Variants in IL1R1 observed in about 807,000 individuals in gnomAD.
IL1R1 encodes interleukin-1 receptor type 1.
A neutral mutation model predicts 50.2 loss-of-function variants in IL1R1; 22 were observed. The ratio of observed to expected loss-of-function variants is 0.44; its 90% CI spans 0.31 to 0.63. The LOEUF is 0.63. IL1R1 is among the 20% of genes least tolerant of loss of function. IL1R1 has a pLI of 0.07. For synonymous variants in IL1R1, 251 were observed against 236.7 expected (o/e 1.06, Z -0.55); for missense variants, 509 against 676.2 (o/e 0.75, Z 2.74).
intron 1 of IL1R1, among the ~76,000 whole-genome samples, chr2:102,079,696 C>G (rs913014792): frequency 1.3e-5 from 2 of 152,056 alleles, no homozygotes; most frequent in Admixed American, 1.3e-4. Flanking sequence ...TTATCACAAT[C>G]CTTATGAATA....
intron 1 of IL1R1, among the ~76,000 whole-genome samples, chr2:102,123,681 G>C (rs1206134859): frequency 6.6e-6 from 1 of 152,118 alleles, no homozygotes; most frequent in Non-Finnish European, 1.5e-5. Flanking sequence ...GGGAGGCTGA[G>C]GCAGGAGAAT....
upstream of IL1R1, among the ~76,000 whole-genome samples, chr2:102,101,188 G>C (rs2104336941): frequency 6.6e-6 from 1 of 152,284 alleles, no homozygotes; most frequent in East Asian, 1.9e-4. Context: ...CGTGCTCCTT[G>C]GTGATGCTCT....
chr2:102,145,512 G>C (rs1252513602), intron 1 of IL1R1, among the ~76,000 whole-genome samples: 1 of 152,200 alleles, frequency 6.6e-6, no homozygotes, highest in Non-Finnish European at 1.5e-5. Context: ...TGCACATCCA[G>C]GAGCTCACAC....
chr2:102,084,461 A>C (rs1679353010), intron 1 of IL1R1, among the ~76,000 whole-genome samples: 1 of 152,210 alleles, frequency 6.6e-6, no homozygotes, highest in African/African-American at 2.4e-5. Flanking sequence ...CCCAAAGATG[A>C]TATGATTTTA....
intron 1 of IL1R1, among the ~76,000 whole-genome samples, chr2:102,124,439 C>G (rs1038167423): frequency 1.3e-5 from 2 of 148,322 alleles, no homozygotes; most frequent in Non-Finnish European, 3.0e-5. Flanking sequence ...ACTGCCCCCC[C>G]AAAAAAGAAA....
At chr2:102,088,334 A>G (rs908305375) in intron 1 of IL1R1, among the ~76,000 whole-genome samples, 5 of 152,244 alleles carry the variant, frequency 3.3e-5, no homozygotes, top group African/African-American at 1.2e-4. Context: ...CAGGCATGAA[A>G]AAACATTAAT....
At chr2:102,128,473 GTTTAAATAC>G in intron 1 of IL1R1, among the ~76,000 whole-genome samples, 1 of 152,296 alleles carries the variant, frequency 6.6e-6, no homozygotes, top group South Asian at 2.1e-4. Flanking sequence ...CATTGACTAT[GTTTAAATAC>G]TTTTTATGTA....
At chr2:102,076,045 C>G (rs1251606979) in intron 1 of IL1R1, among the ~76,000 whole-genome samples, 1 of 152,276 alleles carries the variant, frequency 6.6e-6, no homozygotes, top group South Asian at 2.1e-4. Flanking sequence ...TATTGCTGCA[C>G]ATTTTCCTTC....
At chr2:102,105,851 A>G (rs1477846307) in intron 1 of IL1R1, among the ~76,000 whole-genome samples, 1 of 152,206 alleles carries the variant, frequency 6.6e-6, no homozygotes, top group African/African-American at 2.4e-5. Flanking sequence ...AGAGAAGACC[A>G]TGCACTCTCA....
chr2:102,079,013 A>G (rs985404520), intron 1 of IL1R1, among the ~76,000 whole-genome samples: 2 of 152,172 alleles, frequency 1.3e-5, no homozygotes, highest in Admixed American at 1.3e-4. Flanking sequence ...ATAGATGCAG[A>G]CAAAATGTCT....
At chr2:102,139,842 C>T (rs1682544434), upstream of IL1R1, among the ~76,000 whole-genome samples, 1 of 152,234 alleles carries the variant, frequency 6.6e-6, no homozygotes, top group Non-Finnish European at 1.5e-5. Flanking sequence ...CCTACAGAAC[C>T]ATGAGAGAAT....
chr2:102,117,299 A>G (rs1681140925), intron 1 of IL1R1, among the ~76,000 whole-genome samples: 2 of 152,134 alleles, frequency 1.3e-5, no homozygotes, highest in Admixed American at 1.3e-4. Context: ...ACTTCCCCCA[A>G]GGTGGACACT....
chr2:102,082,827 G>A (rs897749443), intron 1 of IL1R1, among the ~76,000 whole-genome samples: 6 of 152,122 alleles, frequency 3.9e-5, no homozygotes, highest in African/African-American at 1.4e-4. Context: ...CTGTAACCTC[G>A]CTGGCTGGGT....
intron 1 of IL1R1, among the ~76,000 whole-genome samples, chr2:102,075,044 T>TC (rs1678901673): frequency 6.6e-6 from 1 of 152,216 alleles, no homozygotes; most frequent in African/African-American, 2.4e-5. Context: ...TATACATTTT[T>TC]CTCTTGTTTT....
chr2:102,157,994 C>T (rs1684353399), intron 3 of IL1R1, among the ~76,000 whole-genome samples: 1 of 152,166 alleles, frequency 6.6e-6, no homozygotes, highest in African/African-American at 2.4e-5. Context: ...AAACTGAGGC[C>T]TAGTGAGGCT....
chr2:102,171,982 T>C, intron 8 of IL1R1, 64 bp downstream of exon 8: 1 of 797,892 alleles, frequency 1.3e-6, no homozygotes, highest in Non-Finnish European at 1.9e-6. Flanking sequence ...TATATAACCT[T>C]GTCGGTTCAG....
At chr2:102,148,661 C>T (rs1683366030) in intron 1 of IL1R1, among the ~76,000 whole-genome samples, 1 of 152,208 alleles carries the variant, frequency 6.6e-6, no homozygotes, top group South Asian at 2.1e-4. Flanking sequence ...ACTTCAGGCT[C>T]TCTGGCTGTC....
chr2:102,096,523 A>G (rs1413833575), intron 1 of IL1R1, among the ~76,000 whole-genome samples: 1 of 151,866 alleles, frequency 6.6e-6, no homozygotes, highest in Non-Finnish European at 1.5e-5. Flanking sequence ...CTATTCTGTA[A>G]AATGCCTGTT....
intron 3 of IL1R1, among the ~76,000 whole-genome samples, chr2:102,159,478 T>A (rs1049953161): frequency 5.3e-5 from 8 of 152,206 alleles, no homozygotes; most frequent in Admixed American, 1.3e-4. Context: ...TCTATGCAAT[T>A]TCCTGGGCAT....
Sources: allele counts gnomAD v4.1 joint callset (sites outside exome capture counted in the v4.1 genomes callset), GRCh38; gene constraint gnomAD v4.1.1; transcripts MANE v1.5; gene names NCBI Gene and HGNC (gene_info 2026-07-23, HGNC 2026-07-21).